MARCHF1: variants seen among roughly 807,000 people sequenced by gnomAD.
The protein encoded by MARCHF1 is membrane associated ring-CH-type finger 1.
In MARCHF1, 40 loss-of-function variants were observed where a neutral mutation model predicts 54.2. That is an observed-to-expected ratio of 0.74 (90% CI 0.57 to 0.96). The LOEUF (loss-of-function observed/expected upper bound fraction) is 0.96, where lower values mean the gene tolerates loss of function less well. Ranked by LOEUF, MARCHF1 falls within the 40% of genes least tolerant of loss-of-function variation. The pLI is 0.00. For missense variants in MARCHF1, 586 were observed against 656.5 expected (o/e 0.89, Z 1.17); for synonymous variants, 236 against 236.3 (o/e 1.00, Z 0.01).
chr4:163,856,604 A>G (rs1255567656), intron 3 of MARCHF1, among the ~76,000 whole-genome samples: 1 of 152,246 alleles, frequency 6.6e-6, no homozygotes, highest in Non-Finnish European at 1.5e-5. Flanking sequence ...CATTCATTTC[A>G]TATCCAAGAG....
intron 5 of MARCHF1, among the ~76,000 whole-genome samples, chr4:163,659,612 A>C (rs1350003658): frequency 6.6e-6 from 1 of 152,164 alleles, no homozygotes; most frequent in African/African-American, 2.4e-5. Flanking sequence ...GAGACTGAAC[A>C]GGCAACCTAC....
intron 3 of MARCHF1, among the ~76,000 whole-genome samples, chr4:163,948,370 G>A (rs1415277453): frequency 2.0e-5 from 3 of 152,170 alleles, no homozygotes; most frequent in Non-Finnish European, 4.4e-5. Context: ...AGCCTTCTTA[G>A]GAAGAGTAAT....
intron 4 of MARCHF1, among the ~76,000 whole-genome samples, chr4:163,768,422 C>T (rs1747054691): frequency 6.6e-6 from 1 of 152,090 alleles, no homozygotes; most frequent in South Asian, 2.1e-4. Context: ...AAGTTATGAG[C>T]ATATTAAAAA....
intron 3 of MARCHF1, among the ~76,000 whole-genome samples, chr4:163,953,649 A>G (rs1266445957): frequency 6.6e-6 from 1 of 152,192 alleles, no homozygotes; most frequent in African/African-American, 2.4e-5. Context: ...GTCTTACAGT[A>G]GATATCAGCA....
chr4:164,350,955 C>A (rs555216708), intron 1 of MARCHF1, among the ~76,000 whole-genome samples: 1 of 151,976 alleles, frequency 6.6e-6, no homozygotes, highest in South Asian at 2.1e-4. Context: ...ACCTGGGAAG[C>A]GCAAGGGGTC....
chr4:163,724,394 C>T (rs1215138052), intron 4 of MARCHF1, among the ~76,000 whole-genome samples: 4 of 152,230 alleles, frequency 2.6e-5, no homozygotes, highest in Non-Finnish European at 5.9e-5. Flanking sequence ...GGGGACCCGG[C>T]TGTGTGAGGT....
At chr4:164,199,679 C>CAGAGAGAGAGAGAG (rs1332146468) in intron 1 of MARCHF1, among the ~76,000 whole-genome samples, 1 of 51,980 alleles carries the variant, frequency 1.9e-5, no homozygotes, top group African/African-American at 1.1e-4. Context: ...CACACACACA[C>CAGAGAGAGAGAGAG]ACAGAGAGAG....
At chr4:163,849,761 G>T (rs1379304199) in intron 4 of MARCHF1, among the ~76,000 whole-genome samples, 2 of 152,106 alleles carry the variant, frequency 1.3e-5, no homozygotes, top group Non-Finnish European at 2.9e-5. Flanking sequence ...GGAGAACTCT[G>T]CATTTTTTTT....
intron 1 of MARCHF1, among the ~76,000 whole-genome samples, chr4:164,117,827 G>T (rs1050630394): frequency 6.6e-6 from 1 of 151,172 alleles, no homozygotes; most frequent in Non-Finnish European, 1.5e-5. Context: ...CTCAACCTGG[G>T]AGGTGGAGGT....
chr4:163,626,650 C>T (rs141072189), intron 5 of MARCHF1, among the ~76,000 whole-genome samples: 2 of 152,074 alleles, frequency 1.3e-5, no homozygotes, highest in African/African-American at 4.8e-5. Flanking sequence ...TCTAGGGGAC[C>T]GGGCACTGTG....
At position 164,049,835 on chromosome 4, in the gene MARCHF1, C is replaced by T. The variant is rs561369844; in HGVS notation, c.-247-61126G>A. Among the ~76,000 whole-genome samples the T allele has an allele frequency of 3.2e-4, 48 of 152,272 alleles. No homozygotes were observed. The South Asian group carries it at 9.7e-3, about 31-fold the overall frequency. ...CACTATTTCCTTGCATTTTATGAGG[C>T]AGGCATATATTTATAGTATGATAAA... On this transcript the variant is annotated intron_variant, in intron 2 of 9. Transcript: ENST00000514618.
rs544359975 is a variant in MARCHF1, at chr4:163,719,180, C to A, written c.112-18317G>T. 2.7e-5 allele frequency among the ~76,000 whole-genome samples: 4 copies of A among 150,890 alleles called. No individual in the cohort carries two copies. The South Asian group carries it at 8.5e-4, about 32-fold the overall frequency. On this transcript the variant is annotated intron_variant, in intron 4 of 9. Transcript: ENST00000514618. The stretch of plus-strand genomic sequence containing the variant: ...TATCTCCTAATGCTTTCCCTCCCCC[C>A]TCCCCCAACCCCATGACAGGCAGTG...
chr4:163,974,172 A>G (rs1560843347), intron 3 of MARCHF1, among the ~76,000 whole-genome samples: 1 of 152,176 alleles, frequency 6.6e-6, no homozygotes, highest in East Asian at 1.9e-4. Flanking sequence ...AGGGTCTGTG[A>G]CCCCTAATTT....
chr4:164,162,028 A>G (rs1423241598), intron 1 of MARCHF1, among the ~76,000 whole-genome samples: 2 of 152,190 alleles, frequency 1.3e-5, no homozygotes, highest in African/African-American at 4.8e-5. Flanking sequence ...CAGAACACTA[A>G]AAGAAATAGA....
At chr4:163,723,962 G>C (rs548530441) in intron 4 of MARCHF1, among the ~76,000 whole-genome samples, 1 of 152,130 alleles carries the variant, frequency 6.6e-6, no homozygotes, top group African/African-American at 2.4e-5. Flanking sequence ...CTTTGCCTTG[G>C]GTTCAAACTT....
At chr4:164,079,380 G>A (rs947445911) in intron 2 of MARCHF1, among the ~76,000 whole-genome samples, 1 of 152,142 alleles carries the variant, frequency 6.6e-6, no homozygotes. Context: ...GTCACAATAA[G>A]TAAGTTTCTT....
chr4:163,559,012 C>G (rs1275541386), intron 8 of MARCHF1, among the ~76,000 whole-genome samples: 1 of 152,166 alleles, frequency 6.6e-6, no homozygotes, highest in Non-Finnish European at 1.5e-5. Flanking sequence ...CCCGTACAGT[C>G]CAAATTCATC....
chr4:163,796,516 C>T (rs1229924165), intron 4 of MARCHF1, among the ~76,000 whole-genome samples: 3 of 152,022 alleles, frequency 2.0e-5, no homozygotes, highest in African/African-American at 7.2e-5. Context: ...GATTTGTTCT[C>T]TTTTTTCCAG....
chr4:164,382,398 T>G (rs1254051158), intron 1 of MARCHF1, among the ~76,000 whole-genome samples: 1 of 152,238 alleles, frequency 6.6e-6, no homozygotes, highest in Non-Finnish European at 1.5e-5. Flanking sequence ...GATTGTTGCT[T>G]TCTTATACCA....
Sources: gnomAD v4.1 joint callset for allele counts (sites outside exome capture counted in the v4.1 genomes callset) on GRCh38, gnomAD v4.1.1 for gene constraint, MANE v1.5 for transcripts, NCBI Gene and HGNC (gene_info 2026-07-23, HGNC 2026-07-21) for gene names.